MACROD1: variants seen among roughly 807,000 people sequenced by gnomAD.
MACROD1 encodes mono-ADP ribosylhydrolase 1.
Under a neutral mutation model 41.4 loss-of-function variants are expected in MACROD1, and 31 were observed. The ratio of observed to expected loss-of-function variants is 0.75; its 90% CI spans 0.56 to 1.01. MACROD1 has a LOEUF of 1.01. Among genes scored for constraint, MACROD1 ranks in the 50% least tolerant of loss-of-function variants. The pLI is 0.00. For missense variants in MACROD1, 473 were observed against 460.0 expected (o/e 1.03, Z -0.26); for synonymous variants, 252 against 203.4 (o/e 1.24, Z -2.03).
At chr11:64,134,500 G>A (rs920559706) in intron 3 of MACROD1, among the ~76,000 whole-genome samples, 1 of 152,184 alleles carries the variant, frequency 6.6e-6, no homozygotes, top group Admixed American at 6.5e-5. Flanking sequence ...AAAGGCAGTG[G>A]CGGCAGCAGC....
intron 3 of MACROD1, among the ~76,000 whole-genome samples, chr11:64,101,915 C>T (rs1373116325): frequency 6.6e-6 from 1 of 152,242 alleles, no homozygotes; most frequent in African/African-American, 2.4e-5. Flanking sequence ...CAGACTCAGC[C>T]TGCACACCAC....
chr11:64,156,551 T>C (rs1945671924), intron 1 of MACROD1, among the ~76,000 whole-genome samples: 1 of 152,160 alleles, frequency 6.6e-6, no homozygotes, highest in African/African-American at 2.4e-5. Context: ...CCCTAGCAGA[T>C]ATCATCTGGC....
At chr11:64,148,742 C>G (rs1455101203) in intron 3 of MACROD1, 4 of 985,594 alleles carry the variant, frequency 4.1e-6, no homozygotes, top group Non-Finnish European at 4.8e-6. Context: ...CCCGAAAAGC[C>G]CTGCCGTTGC....
intron 3 of MACROD1, among the ~76,000 whole-genome samples, chr11:64,141,562 C>T (rs1419720174): frequency 6.6e-6 from 1 of 152,328 alleles, no homozygotes; most frequent in South Asian, 2.1e-4. Flanking sequence ...TCCAGGAGAG[C>T]GAGCCAAGGG....
intron 1 of MACROD1, among the ~76,000 whole-genome samples, chr11:64,159,320 GAAAA>G (rs34061690): frequency 2.9e-5 from 3 of 104,020 alleles, no homozygotes; most frequent in Non-Finnish European, 3.8e-5. Context: ...CTCCGTCTCA[GAAAA>G]AAAAAAAAAA....
At chr11:64,033,360 A>T (rs914291958) in intron 3 of MACROD1, among the ~76,000 whole-genome samples, 2 of 152,150 alleles carry the variant, frequency 1.3e-5, no homozygotes, top group African/African-American at 4.8e-5. Context: ...GCTTTGTGGA[A>T]TATCGTGCAG....
At chr11:64,018,533 A>T (rs1943112760) in intron 3 of MACROD1, among the ~76,000 whole-genome samples, 1 of 152,008 alleles carries the variant, frequency 6.6e-6, no homozygotes, top group Non-Finnish European at 1.5e-5. Context: ...GGGTGTGGCC[A>T]CCCAGCCCGC....
chr11:64,076,693 T>C (rs909231005), intron 3 of MACROD1, among the ~76,000 whole-genome samples: 1 of 151,934 alleles, frequency 6.6e-6, no homozygotes, highest in Non-Finnish European at 1.5e-5. Flanking sequence ...CAGAAAGAGG[T>C]TGGTCCTCCA....
At chr11:64,049,847 A>C (rs1435780144) in intron 3 of MACROD1, among the ~76,000 whole-genome samples, 11 of 152,084 alleles carry the variant, frequency 7.2e-5, no homozygotes, top group African/African-American at 2.7e-4. Flanking sequence ...GGCCTGGCTG[A>C]GCTGTGATCC....
At chr11:64,063,535 C>T (rs747706457) in intron 3 of MACROD1, among the ~76,000 whole-genome samples, 4 of 152,194 alleles carry the variant, frequency 2.6e-5, no homozygotes, top group Admixed American at 1.3e-4. Flanking sequence ...CCCCAAAAGT[C>T]TCCGTTACTG....
chr11:64,030,832 C>T (rs993945011), intron 3 of MACROD1, among the ~76,000 whole-genome samples: 2 of 151,282 alleles, frequency 1.3e-5, no homozygotes, highest in African/African-American at 2.4e-5. Flanking sequence ...GGGAGCATCG[C>T]TTGAGCTCAG....
At chr11:64,040,230 T>G (rs1943459353) in intron 3 of MACROD1, among the ~76,000 whole-genome samples, 1 of 143,390 alleles carries the variant, frequency 7.0e-6, no homozygotes. Flanking sequence ...CGCAAAGTGG[T>G]GAGGTCAAGT....
Position 64,036,370 on chromosome 11 carries a change from T to C in MACROD1, c.518-21089A>G, listed in dbSNP as rs1943380249. On this transcript the variant is annotated intron_variant, in intron 3 of 10. Transcript: ENST00000255681. This position sits in a 1 kb window ranked among gnomAD's most constrained non-coding sequence, Gnocchi z 5.6. Reference sequence around the variant, plus strand: ...GTCAAGAGCCAAGCACCAGTAGCGGTGGCGCTGGCCCCGCCGCGGGGAGGC... The same window carrying C: ...GTCAAGAGCCAAGCACCAGTAGCGGCGGCGCTGGCCCCGCCGCGGGGAGGC... Among the ~76,000 whole-genome samples, 1 of 151,926 alleles carries C rather than the reference T, an allele frequency of 6.6e-6. No homozygotes were observed. Among genetic ancestry groups the C allele is most frequent in the Non-Finnish European group, 1.5e-5 (1 of 67,962 alleles).
At chr11:64,132,118 T>A (rs966991953) in intron 3 of MACROD1, among the ~76,000 whole-genome samples, 1 of 151,878 alleles carries the variant, frequency 6.6e-6, no homozygotes, top group Non-Finnish European at 1.5e-5. Context: ...AGGAACACAG[T>A]CTCCTATTCA....
chr11:64,117,436 C>T (rs201350334), intron 3 of MACROD1: 71 of 1,612,602 alleles, frequency 4.4e-5, no homozygotes, highest in East Asian at 4.0e-4. Flanking sequence ...GTGGCCAATG[C>T]GGCTGCCAAG....
At chr11:64,080,144 C>A (rs886658936) in intron 3 of MACROD1, among the ~76,000 whole-genome samples, 1 of 152,176 alleles carries the variant, frequency 6.6e-6, no homozygotes, top group African/African-American at 2.4e-5. Flanking sequence ...TCCCGAGTAG[C>A]GGGGATTACA....
chr11:64,042,412 T>TG (rs1348013040), intron 3 of MACROD1, among the ~76,000 whole-genome samples: 2 of 151,950 alleles, frequency 1.3e-5, no homozygotes, highest in African/African-American at 2.4e-5. Flanking sequence ...CTCTGGGGAA[T>TG]GGGGGGGTGT....
At chr11:64,157,576 G>A (rs986650863) in intron 1 of MACROD1, among the ~76,000 whole-genome samples, 6 of 152,174 alleles carry the variant, frequency 3.9e-5, no homozygotes, top group South Asian at 2.1e-4. Flanking sequence ...AAAGATGTCC[G>A]CAGTAAATTT....
chr11:64,039,589 C>G (rs1943447187), intron 3 of MACROD1, among the ~76,000 whole-genome samples: 1 of 152,280 alleles, frequency 6.6e-6, no homozygotes, highest in African/African-American at 2.4e-5. Context: ...GGGAAAAGGA[C>G]AGCACCCCTG....
Sources: allele counts gnomAD v4.1 joint callset (sites outside exome capture counted in the v4.1 genomes callset), GRCh38; gene constraint gnomAD v4.1.1; non-coding constraint Gnocchi (gnomAD v3.1); transcripts MANE v1.5; gene names NCBI Gene and HGNC (gene_info 2026-07-23, HGNC 2026-07-21).